The following SORCS2 variants were observed in gnomAD, a reference collection of about 807,000 sequenced individuals.
SORCS2 encodes the protein sortilin related VPS10 domain containing receptor 2.
Under a neutral mutation model 141.6 loss-of-function variants are expected in SORCS2, and 100 were observed. The ratio of observed to expected loss-of-function variants is 0.71; its 90% CI spans 0.60 to 0.83. The LOEUF is 0.83. Among genes scored for constraint, SORCS2 ranks in the 40% least tolerant of loss-of-function variants. SORCS2 has a pLI of 0.00. For synonymous variants in SORCS2, 789 were observed against 676.9 expected, an observed-to-expected ratio of 1.17 and a Z score of -2.57; for missense variants, 1,646 against 1,560.2, an observed-to-expected ratio of 1.05 and a Z score of -0.93.
chr4:7,376,138 C>T (rs369928316), intron 1 of SORCS2, among the ~76,000 whole-genome samples: 26 of 152,330 alleles, frequency 1.7e-4, no homozygotes, highest in East Asian at 7.7e-4. Context: ...TCTCCATTCA[C>T]GCTGAAGCCT....
rs1304115989 is a variant in SORCS2 at position 7,725,182 on chromosome 4, G to T, written c.2640G>T (p.Val880=). ...NSPLQALYLE[V]VPVIGLNQEV... ...CCCTGCAGGCCCTCTACCTGGAGGT[G>T]GTTCCTGTCATTGGCCTCAACCAGG... The change falls in exon 20 of 27, where the codon GTG becomes GTT. Residue 880 remains valine (V), a synonymous_variant. Coordinates refer to ENST00000507866, the MANE Select transcript of SORCS2 (RefSeq NM_020777.3). 6.2e-7 allele frequency: 1 copy of T among 1,613,490 alleles called. No individual in the cohort carries two copies. Among genetic ancestry groups the T allele is most frequent in the Non-Finnish European group, 8.5e-7 (1 of 1,179,592 alleles).
chr4:7,454,500 GTGTGTTGGGGTCAGATGC>G (rs1728728592), intron 2 of SORCS2, among the ~76,000 whole-genome samples: 5 of 127,336 alleles, frequency 3.9e-5, no homozygotes, highest in Admixed American at 1.5e-4. Context: ...GTCAGGTGCT[GTGTGTTGGGGTCAGATGC>G]TGTGTTGGGG....
chr4:7,661,386 C>G lies in SORCS2; in HGVS notation c.888-114C>G, dbSNP rs1426079051. On this transcript the variant is annotated intron_variant, in intron 5 of 26. Transcript: ENST00000507866. ...GGTGATGCCCTCCGGACCCACAGAG[C>G]AAGGGCGGCTTCAGAACCAGGGAGG... 3 of 1,100,770 alleles carry G rather than the reference C, an allele frequency of 2.7e-6. No individual in the cohort carries two copies. In the African/African-American group the frequency reaches 4.7e-5, roughly 17 times the overall value. The allele number at this position is 1,100,770 out of a possible 1,614,324, so 68.2% of individuals were successfully genotyped here.
At chr4:7,738,574 C>A (rs1165019568) in intron 26 of SORCS2, among the ~76,000 whole-genome samples, 2 of 152,170 alleles carry the variant, frequency 1.3e-5, no homozygotes, top group Non-Finnish European at 2.9e-5. Context: ...TCTGCGGTAG[C>A]TTCTGGAGCA....
intron 1 of SORCS2, among the ~76,000 whole-genome samples, chr4:7,280,349 G>A (rs1358133844): frequency 1.3e-5 from 2 of 152,186 alleles, no homozygotes; most frequent in Non-Finnish European, 2.9e-5. Context: ...GGCGAGGATG[G>A]GAGGACTGGA....
At chr4:7,691,159 G>C (rs575383567) in intron 11 of SORCS2, among the ~76,000 whole-genome samples, 25 of 152,358 alleles carry the variant, frequency 1.6e-4, no homozygotes, top group Middle Eastern at 3.4e-3. Context: ...GCCACACAGA[G>C]GGGGTGGCTG....
chr4:7,396,947 A>G (rs565870783), intron 2 of SORCS2, among the ~76,000 whole-genome samples: 1 of 152,258 alleles, frequency 6.6e-6, no homozygotes, highest in East Asian at 1.9e-4. Flanking sequence ...CCTCCTCAAT[A>G]TTTACATCCA....
intron 1 of SORCS2, among the ~76,000 whole-genome samples, chr4:7,330,855 C>T (rs116215343): frequency 0.015 from 2,252 of 152,172 alleles, 61 homozygotes; most frequent in African/African-American, 0.049. Flanking sequence ...TCTCCCACCA[C>T]GTGTGTTCCA....
intron 2 of SORCS2, among the ~76,000 whole-genome samples, chr4:7,472,052 C>T (rs866201681): frequency 1.3e-5 from 2 of 152,238 alleles, no homozygotes; most frequent in Non-Finnish European, 1.5e-5. Flanking sequence ...GTCTATGCCT[C>T]GGGGATGAGT....
chr4:7,653,510 T>C (rs1577900535), intron 4 of SORCS2, among the ~76,000 whole-genome samples: 1 of 152,340 alleles, frequency 6.6e-6, no homozygotes, highest in South Asian at 2.1e-4. Context: ...CCCAAGGTGC[T>C]GGGATTACAG....
intron 11 of SORCS2, 143 bp from the exon 12 acceptor site, chr4:7,697,055 C>A: frequency 1.5e-6 from 1 of 656,478 alleles, no homozygotes. Flanking sequence ...GGCCCCAGCG[C>A]AGCAGCCACA....
intron 1 of SORCS2, among the ~76,000 whole-genome samples, chr4:7,384,875 G>A (rs1275621349): frequency 9.9e-5 from 15 of 152,248 alleles, no homozygotes; most frequent in African/African-American, 2.2e-4. Flanking sequence ...GGCAGGGGGC[G>A]CGGACACTGC....
chr4:7,717,348 A>T (rs568700661), intron 17 of SORCS2, among the ~76,000 whole-genome samples: 19 of 152,000 alleles, frequency 1.3e-4, no homozygotes, highest in African/African-American at 4.1e-4. Flanking sequence ...CTGTGGTTTC[A>T]CTCTGACGTG....
intron 1 of SORCS2, among the ~76,000 whole-genome samples, chr4:7,221,184 C>G (rs925675200): frequency 2.6e-5 from 4 of 152,190 alleles, no homozygotes; most frequent in Non-Finnish European, 5.9e-5. Flanking sequence ...ATATTATCAC[C>G]TTTCTTTCCC....
At position 7,638,515 on chromosome 4, in the gene SORCS2, G is replaced by A. The variant is rs145392231; in HGVS notation, c.813+23G>A. ...AAGGTAAGATATATGGGTGCCAGTCGCCTGGTCTGTGGGGCTGGGGTCTGC... is the reference window on the plus strand; with the variant it reads ...AAGGTAAGATATATGGGTGCCAGTCACCTGGTCTGTGGGGCTGGGGTCTGC... On this transcript the variant is annotated intron_variant, in intron 4 of 26. Transcript: ENST00000507866. 2.8e-4 allele frequency: 450 copies of A among 1,599,612 alleles called. 2 individuals carry two copies. The African/African-American group carries it at 5.1e-3, about 18-fold the overall frequency.
intron 2 of SORCS2, among the ~76,000 whole-genome samples, chr4:7,510,902 TA>T: frequency 6.6e-6 from 1 of 152,174 alleles, no homozygotes; most frequent in African/African-American, 2.4e-5. Context: ...TCCTCCTTTC[TA>T]ACATCTGACT....
At chr4:7,513,459 C>T (rs10028710) in intron 2 of SORCS2, among the ~76,000 whole-genome samples, 4,385 of 152,306 alleles carry the variant, frequency 0.029, 212 homozygotes, top group African/African-American at 0.1. Context: ...TGCAGCCCAG[C>T]CAGGACACTT....
At chr4:7,285,528 T>A (rs1272820392) in intron 1 of SORCS2, among the ~76,000 whole-genome samples, 1 of 152,208 alleles carries the variant, frequency 6.6e-6, no homozygotes, top group Non-Finnish European at 1.5e-5. Context: ...CGGTTGATTT[T>A]AATTTTCCGG....
intron 2 of SORCS2, among the ~76,000 whole-genome samples, chr4:7,509,339 T>A (rs1448538915): frequency 6.6e-6 from 1 of 152,062 alleles, no homozygotes; most frequent in Non-Finnish European, 1.5e-5. Flanking sequence ...CCACAGCCTC[T>A]CTTCCCCCTG....
Sources: allele counts gnomAD v4.1 joint callset (sites outside exome capture counted in the v4.1 genomes callset), GRCh38; gene constraint gnomAD v4.1.1; transcripts MANE v1.5; gene names NCBI Gene and HGNC (gene_info 2026-07-23, HGNC 2026-07-21).